Variants in TCF7L1 observed in about 807,000 individuals in gnomAD.
TCF7L1 encodes the protein transcription factor 7-like 1.
TCF7L1 carries 18 observed loss-of-function variants against 63.7 expected under a neutral mutation model. That is an observed-to-expected ratio of 0.28 (90% CI 0.20 to 0.42). The LOEUF (loss-of-function observed/expected upper bound fraction) is 0.42, where lower values mean the gene tolerates loss of function less well. TCF7L1 is among the 10% of genes least tolerant of loss of function. The probability of loss-of-function intolerance (pLI) is 1.00; values close to 1 mark genes in which losing one functional copy is unlikely to be tolerated. For synonymous variants in TCF7L1, 355 were observed against 340.9 expected, an observed-to-expected ratio of 1.04 and a Z score of -0.46; for missense variants, 654 against 779.3, an observed-to-expected ratio of 0.84 and a Z score of 1.91.
chr2:85,254,253 A>G (rs1680655622), intron 3 of TCF7L1, among the ~76,000 whole-genome samples: 1 of 152,272 alleles, frequency 6.6e-6, no homozygotes, highest in African/African-American at 2.4e-5. Flanking sequence ...ACTGCTGGGT[A>G]ACACAATTAA....
At chr2:85,254,884 A>C (rs2104339277) in intron 3 of TCF7L1, among the ~76,000 whole-genome samples, 1 of 152,332 alleles carries the variant, frequency 6.6e-6, no homozygotes, top group South Asian at 2.1e-4. Flanking sequence ...AGGGTCTGGA[A>C]CTACCAGGTC....
intron 3 of TCF7L1, among the ~76,000 whole-genome samples, chr2:85,181,894 A>G (rs1355714565): frequency 6.6e-6 from 1 of 152,162 alleles, no homozygotes; most frequent in Non-Finnish European, 1.5e-5. Flanking sequence ...GGCAGGTACA[A>G]GGCATGCTGA....
chr2:85,283,464 A>G (rs979114979), intron 3 of TCF7L1, 31 bp from the exon 4 acceptor site: 3 of 1,613,700 alleles, frequency 1.9e-6, no homozygotes, highest in Non-Finnish European at 2.5e-6. Flanking sequence ...TCATCTCACC[A>G]ACAGCTTTTT....
intron 3 of TCF7L1, among the ~76,000 whole-genome samples, chr2:85,221,976 G>A (rs1304411030): frequency 4.0e-5 from 6 of 150,624 alleles, no homozygotes; most frequent in Non-Finnish European, 5.9e-5. Flanking sequence ...TTTCCTCCAC[G>A]AATAATACAG....
chr2:85,134,076 G>A lies in TCF7L1; in HGVS notation c.310G>A (p.Glu104Lys), dbSNP rs1157152409. The change falls in exon 2 of 12, where the codon GAA becomes AAA. Residue 104 changes from glutamate (E) to lysine (K), a missense_variant. Physicochemically the swap from Glu to Lys is moderately conservative, Grantham distance 56. Transcript: ENST00000282111. This position sits in a 1 kb window ranked among gnomAD's most constrained non-coding sequence, Gnocchi z 5.0. ...TFQKPRDYFA[E>K]VRRPQDSAFF... Reference sequence around the variant, plus strand: ...CCAGAAGCCGCGGGACTATTTCGCCGAAGGTATGTGCCCGCTGGGACAGCC... The same window carrying A: ...CCAGAAGCCGCGGGACTATTTCGCCAAAGGTATGTGCCCGCTGGGACAGCC... 1 of 1,609,696 alleles carries A rather than the reference G, an allele frequency of 6.2e-7. No individual in the cohort carries two copies. The highest frequency in any genetic ancestry group is 8.5e-7 in the Non-Finnish European group (1 of 1,179,070).
chr2:85,306,423 C>T lies in TCF7L1; in HGVS notation c.1150-29C>T, dbSNP rs540076533. On this transcript the variant is annotated intron_variant, in intron 9 of 11. Transcript: ENST00000282111. This position sits in a 1 kb window ranked among gnomAD's most constrained non-coding sequence, Gnocchi z 4.3. ...GGCAGCGTCCCTGCATTGATGGCTC[C>T]GTGTGGTCTCTGACCCTCTCTCCCC... 4.5e-5 allele frequency: 72 copies of T among 1,613,862 alleles called. No homozygotes were observed. In the South Asian group the frequency reaches 4.6e-4, roughly 10 times the overall value.
chr2:85,276,225 C>T (rs1331503466), intron 3 of TCF7L1, among the ~76,000 whole-genome samples: 1 of 152,196 alleles, frequency 6.6e-6, no homozygotes, highest in Non-Finnish European at 1.5e-5. Context: ...GTTCATTGCT[C>T]AGTGTCAGTG....
At chr2:85,268,100 T>C (rs146686177) in intron 3 of TCF7L1, among the ~76,000 whole-genome samples, 38 of 152,308 alleles carry the variant, frequency 2.5e-4, no homozygotes, top group Non-Finnish European at 5.0e-4. Context: ...AGATATGATA[T>C]TGGTAAATGT....
At chr2:85,307,457 A>T (rs1395562529) in intron 10 of TCF7L1, among the ~76,000 whole-genome samples, 185 bp from the exon 11 acceptor site, 1 of 152,034 alleles carries the variant, frequency 6.6e-6, no homozygotes, top group African/African-American at 2.4e-5. Flanking sequence ...TTTGTAGGGG[A>T]GGAAGGGCTC....
chr2:85,194,218 T>G (rs1351186403), intron 3 of TCF7L1, among the ~76,000 whole-genome samples: 1 of 152,064 alleles, frequency 6.6e-6, no homozygotes, highest in East Asian at 1.9e-4. Flanking sequence ...GGGCAGACTC[T>G]AAGGCATTGC....
At chr2:85,257,583 G>T (rs1390444050) in intron 3 of TCF7L1, among the ~76,000 whole-genome samples, 2 of 152,348 alleles carry the variant, frequency 1.3e-5, no homozygotes, top group Middle Eastern at 3.4e-3. Context: ...CCCTTGGAGT[G>T]AGGTCACCTT....
chr2:85,242,327 G>A (rs1030218338), intron 3 of TCF7L1, among the ~76,000 whole-genome samples: 11 of 152,122 alleles, frequency 7.2e-5, no homozygotes, highest in African/African-American at 2.4e-4. Context: ...CAACATCCAG[G>A]CCAAATCCAC....
intron 4 of TCF7L1, among the ~76,000 whole-genome samples, chr2:85,287,462 C>T (rs751983784): frequency 3.9e-5 from 6 of 152,178 alleles, no homozygotes; most frequent in Non-Finnish European, 7.3e-5. Flanking sequence ...AACTGCCAAA[C>T]AAACATCTAA....
chr2:85,277,559 A>T (rs928592441), intron 3 of TCF7L1, among the ~76,000 whole-genome samples: 4 of 152,094 alleles, frequency 2.6e-5, no homozygotes, highest in African/African-American at 7.2e-5. Context: ...GAGAGGCAGG[A>T]AGGACCGGTC....
At position 85,230,741 on chromosome 2, in the gene TCF7L1, C is replaced by T. The variant is rs537039671; in HGVS notation, c.442-52754C>T. Among the ~76,000 whole-genome samples the T allele has an allele frequency of 6.6e-5, 10 of 152,304 alleles. No individual in the cohort carries two copies. The East Asian group carries it at 7.7e-4, about 12-fold the overall frequency. On this transcript the variant is annotated intron_variant, in intron 3 of 11. Coordinates refer to ENST00000282111, the MANE Select transcript of TCF7L1 (RefSeq NM_031283.3). ...AGTGCCCATTTCTCCTGCATCCCTACGTGACACTCTGCTTTCTGTGGGGCA... is the reference window on the plus strand; with the variant it reads ...AGTGCCCATTTCTCCTGCATCCCTATGTGACACTCTGCTTTCTGTGGGGCA...
rs761554691 is a variant in TCF7L1, at chr2:85,134,056, A to G, written c.290A>G (p.Lys97Arg). 7 of 1,610,668 alleles carry G rather than the reference A, an allele frequency of 4.3e-6. No individual in the cohort carries two copies. In the Admixed American group the frequency reaches 1.2e-4, roughly 27 times the overall value. The change falls in exon 2 of 12, where the codon AAG becomes AGG. Residue 97 changes from lysine (K) to arginine (R), a missense_variant. Around this residue, in one of 3 missense-constraint regions of TCF7L1, gnomAD observed 404 missense variants for 454.8 expected, o/e 0.89. Transcript: ENST00000282111. The surrounding 1 kb of genome is among the most constrained non-coding windows in gnomAD (Gnocchi z 5.0). The part of the protein sequence containing the change: ...RPQPVRDTFQ[K>R]PRDYFAEVRR... ...CAGCCCGTCCGGGACACTTTCCAGA[A>G]GCCGCGGGACTATTTCGCCGAAGGT...
intron 3 of TCF7L1, among the ~76,000 whole-genome samples, chr2:85,250,863 A>G (rs1025288374): frequency 1.3e-5 from 2 of 152,246 alleles, no homozygotes; most frequent in Non-Finnish European, 2.9e-5. Flanking sequence ...AATTAGGCAC[A>G]TCTTGAGGAC....
chr2:85,306,128 C>T lies in TCF7L1; in HGVS notation c.990-78C>T, dbSNP rs993133263. The stretch of plus-strand genomic sequence containing the variant: ...CGCGCCCCTCCCCAGAGACAATCAG[C>T]GGTGTTTCAGTGACAGGTGGGGATT... On this transcript the variant is annotated intron_variant, in intron 8 of 11. Coordinates refer to ENST00000282111, the MANE Select transcript of TCF7L1 (RefSeq NM_031283.3). This position sits in a 1 kb window ranked among gnomAD's most constrained non-coding sequence, Gnocchi z 4.3. The T allele has an allele frequency of 1.5e-5, 24 of 1,570,110 alleles. No individual in the cohort carries two copies. The highest frequency in any genetic ancestry group is 2.1e-5 in the Non-Finnish European group (24 of 1,148,022).
chr2:85,134,525 G>A lies in TCF7L1; in HGVS notation c.441+75G>A. 9.2e-6 allele frequency: 14 copies of A among 1,522,168 alleles called. No homozygotes were observed. The highest frequency in any genetic ancestry group is 1.1e-5 in the Non-Finnish European group (13 of 1,134,550). The allele number at this position is 1,522,168 out of a possible 1,614,324, so 94.3% of individuals were successfully genotyped here. On this transcript the variant is annotated intron_variant, in intron 3 of 11. Transcript: ENST00000282111. This position sits in a 1 kb window ranked among gnomAD's most constrained non-coding sequence, Gnocchi z 5.0. Reference sequence around the variant, plus strand: ...GGATGCGCCCCCGGGCTTGGCCATGGAGTGGGGGATGGGGCCTTCTGCGCC... The same window carrying A: ...GGATGCGCCCCCGGGCTTGGCCATGAAGTGGGGGATGGGGCCTTCTGCGCC...
Sources: gnomAD v4.1 joint callset for allele counts (sites outside exome capture counted in the v4.1 genomes callset) on GRCh38, gnomAD v4.1.1 for gene constraint, gnomAD v4.1.1 regional missense constraint, Gnocchi (gnomAD v3.1) non-coding constraint, MANE v1.5 for transcripts, NCBI Gene and HGNC (gene_info 2026-07-23, HGNC 2026-07-21) for gene names.